DMBT1: variants seen among roughly 807,000 people sequenced by gnomAD.
DMBT1 encodes the protein deleted in malignant brain tumors 1.
A neutral mutation model predicts 252.9 loss-of-function variants in DMBT1; 198 were observed. That is an observed-to-expected ratio of 0.78 (90% CI 0.70 to 0.88). The LOEUF is 0.88. Ranked by LOEUF, DMBT1 falls within the 40% of genes least tolerant of loss-of-function variation. The probability of loss-of-function intolerance (pLI) is 0.00; values close to 1 mark genes in which losing one functional copy is unlikely to be tolerated. For synonymous variants in DMBT1, 990 were observed against 942.7 expected, an observed-to-expected ratio of 1.05 and a Z score of -0.92; for missense variants, 2,432 against 2,404.7, an observed-to-expected ratio of 1.01 and a Z score of -0.24.
rs776942534 is a variant in DMBT1, at chr10:122,598,912, G to T, written c.3095G>T (p.Arg1032Met). 1 of 1,613,854 alleles carries T rather than the reference G, an allele frequency of 6.2e-7. No individual in the cohort carries two copies. Among genetic ancestry groups the T allele is most frequent in the Non-Finnish European group, 8.5e-7 (1 of 1,179,764 alleles). ...ACCAATGATGCCAATGTCGTCTGCA[G>T]GCAACTGGGCTGTGGCTGGGCCATG... ...WDTNDANVVC[R>M]QLGCGWAMSA... The change falls in exon 26 of 56, where the codon AGG becomes ATG. Residue 1032 changes from arginine (R) to methionine (M), a missense_variant. This residue lies in a region of DMBT1 where 1,264 missense variants were observed against 1,082.2 expected (regional missense o/e 1.17). Transcript: ENST00000338354.
chr10:122,586,937 G>T (rs2097795208), intron 16 of DMBT1, among the ~76,000 whole-genome samples: 1 of 148,290 alleles, frequency 6.7e-6, no homozygotes, highest in East Asian at 2.1e-4. Flanking sequence ...GCAAGAAAGA[G>T]CAAGAGGGAG....
chr10:122,578,403 C>G (rs2097732144), intron 8 of DMBT1, among the ~76,000 whole-genome samples: 1 of 152,190 alleles, frequency 6.6e-6, no homozygotes, highest in African/African-American at 2.4e-5. Context: ...CTGCAAGTGT[C>G]AAGTCTTGGC....
chr10:122,643,464 C>T lies in DMBT1; in HGVS notation c.*66C>T, dbSNP rs561239902. On this transcript the variant is annotated 3_prime_UTR_variant, in exon 56 of 56. Transcript: ENST00000338354. ...CCCTGACTCGGGGACTTGGGATGTT[C>T]CTCTTGGTGTCATATTCCAACTCAG... 1.3e-6 allele frequency: 2 copies of T among 1,527,602 alleles called. No homozygotes were observed. The highest frequency in any genetic ancestry group is 2.2e-4 in the Middle Eastern group (1 of 4,476). The allele number at this position is 1,527,602 out of a possible 1,614,324, so 94.6% of individuals were successfully genotyped here.
intron 25 of DMBT1, among the ~76,000 whole-genome samples, chr10:122,598,227 T>C (rs1319800842): frequency 3.9e-5 from 6 of 152,086 alleles, no homozygotes. Context: ...GGAATCCTGT[T>C]CCAAGTGGTC....
chr10:122,561,834 C>A (rs2097549389), intron 1 of DMBT1, among the ~76,000 whole-genome samples: 2 of 151,624 alleles, frequency 1.3e-5, no homozygotes, highest in South Asian at 4.2e-4. Context: ...CTCCCTCCCT[C>A]CTCCTCCTTC....
At chr10:122,580,331 G>A (rs575420004) in intron 10 of DMBT1, among the ~76,000 whole-genome samples, 1 of 152,336 alleles carries the variant, frequency 6.6e-6, no homozygotes, top group African/African-American at 2.4e-5. Context: ...AGGAGGTCTG[G>A]AAATAGAGGC....
chr10:122,618,030 T>C lies in DMBT1; in HGVS notation c.4905T>C (p.Thr1635=). 1 of 1,613,062 alleles carries C rather than the reference T, an allele frequency of 6.2e-7. No homozygotes were observed. The highest frequency in any genetic ancestry group is 8.5e-7 in the Non-Finnish European group (1 of 1,179,764). Residue 1635 remains threonine (T), a synonymous_variant, in exon 41 of 56, where the codon ACT becomes ACC. Transcript: ENST00000338354. ...GTTCCCCTGTAGGATCTGAATCCAC[T>C]TTGGCCCTGAGACTGGTGAATGGAG... ...SRASTAGSES[T]LALRLVNGGD...
chr10:122,599,267 C>T lies in DMBT1; in HGVS notation c.3280+170C>T, dbSNP rs530774943. Reference sequence around the variant, plus strand: ...CCTATGTACTCACTGCCTAGTGTTCCTGTGGTCACTTAGGACAGGGGACCA... The same window carrying T: ...CCTATGTACTCACTGCCTAGTGTTCTTGTGGTCACTTAGGACAGGGGACCA... On this transcript the variant is annotated intron_variant, in intron 26 of 55. Coordinates refer to ENST00000338354, the MANE Select transcript of DMBT1 (RefSeq NM_001377530.1). 7.9e-4 allele frequency among the ~76,000 whole-genome samples: 120 copies of T among 152,312 alleles called. 1 individual carries two copies. The South Asian group carries it at 0.024, about 30-fold the overall frequency.
Position 122,617,936 on chromosome 10 carries a change from A to G in DMBT1, c.4892-81A>G. On this transcript the variant is annotated intron_variant, in intron 40 of 55. Transcript: ENST00000338354. ...TGCCCAGGTGACTCTGGCCATTAGG[A>G]AGTACCCTGAGTGTGGAACTTGCCT... 4 of 1,587,314 alleles carry G rather than the reference A, an allele frequency of 2.5e-6. 1 individual carries two copies. Among genetic ancestry groups the G allele is most frequent in the East Asian group, 4.6e-5 (2 of 43,886 alleles).
At position 122,579,777 on chromosome 10, in the gene DMBT1, A is replaced by G; in HGVS notation, c.879A>G (p.Ser293=). ...GAAATGCCCAGTTTGGCCAGGGCTC[A>G]GGACCCATTGTCCTGGATGATGTGC... The part of the protein sequence containing the change: ...APGNAQFGQG[S]GPIVLDDVRC... Residue 293 remains serine (S), a synonymous_variant, in exon 10 of 56, where the codon TCA becomes TCG. Coordinates refer to ENST00000338354, the MANE Select transcript of DMBT1 (RefSeq NM_001377530.1). 4 of 1,613,832 alleles carry G rather than the reference A, an allele frequency of 2.5e-6. No homozygotes were observed. Among genetic ancestry groups the G allele is most frequent in the Non-Finnish European group, 3.4e-6 (4 of 1,179,750 alleles).
intron 1 of DMBT1, among the ~76,000 whole-genome samples, chr10:122,562,303 C>A (rs1433056447): frequency 6.6e-6 from 1 of 152,154 alleles, no homozygotes; most frequent in Non-Finnish European, 1.5e-5. Flanking sequence ...GTCACTCTCC[C>A]CCTAGGCTCA....
rs570665632 is a variant in DMBT1, at chr10:122,618,042, A to G, written c.4917A>G (p.Arg1639=). The change falls in exon 41 of 56, where the codon AGA becomes AGG. Residue 1639 remains arginine (R), a synonymous_variant. Coordinates refer to ENST00000338354, the MANE Select transcript of DMBT1 (RefSeq NM_001377530.1). ...GATCTGAATCCACTTTGGCCCTGAG[A>G]CTGGTGAATGGAGGTGACAGGTGTC... The part of the protein sequence containing the change: ...TAGSESTLAL[R]LVNGGDRCRG... 13 of 1,613,126 alleles carry G rather than the reference A, an allele frequency of 8.1e-6. No individual in the cohort carries two copies. The highest frequency in any genetic ancestry group is 8.0e-5 in the African/African-American group (6 of 74,936).
At chr10:122,627,920 C>G (rs1004785242) in intron 46 of DMBT1, among the ~76,000 whole-genome samples, 3 of 152,182 alleles carry the variant, frequency 2.0e-5, no homozygotes, top group Non-Finnish European at 2.9e-5. Context: ...TCACAGATAG[C>G]AGAGAAGGCA....
chr10:122,585,943 A>AGGTG, intron 15 of DMBT1, 117 bp from the exon 16 acceptor site: 2 of 1,527,940 alleles, frequency 1.3e-6, no homozygotes, highest in Non-Finnish European at 1.8e-6. Context: ...TCATATTCAA[A>AGGTG]GGTGACTGCC....
At chr10:122,573,655 G>C in intron 5 of DMBT1, 60 bp from the exon 6 acceptor site, 1 of 1,599,434 alleles carries the variant, frequency 6.3e-7, no homozygotes, top group Admixed American at 1.7e-5. Flanking sequence ...GCAAGCCCTG[G>C]ACCAACCCTC....
chr10:122,625,909 A>G (rs2098115576), intron 45 of DMBT1, 24 bp from the exon 46 acceptor site: 1 of 1,601,458 alleles, frequency 6.2e-7, no homozygotes, highest in Non-Finnish European at 8.6e-7. Flanking sequence ...CTAAAATCCT[A>G]AACAGCTTCA....
Position 122,572,367 on chromosome 10 carries a change from G to C in DMBT1, c.235+6G>C. On this transcript the variant is annotated splice_donor_region_variant and intron_variant, in intron 5 of 55. Transcript: ENST00000338354. The stretch of plus-strand genomic sequence containing the variant: ...GGAGTCAACCGTAGCAGAAGGTAAC[G>C]TCTACTATGGGGGAGCTCTATGGGC... 6.2e-7 allele frequency: 1 copy of C among 1,612,782 alleles called. No homozygotes were observed. Among genetic ancestry groups the C allele is most frequent in the Non-Finnish European group, 8.5e-7 (1 of 1,179,014 alleles).
intron 25 of DMBT1, 40 bp from the exon 26 acceptor site, chr10:122,598,734 A>C: frequency 1.2e-6 from 2 of 1,612,186 alleles, no homozygotes; most frequent in Middle Eastern, 4.2e-4. Flanking sequence ...TCCTGACCTC[A>C]TGATAGGGAT....
At position 122,562,043 on chromosome 10, in the gene DMBT1, T is replaced by C. The variant is rs80235433; in HGVS notation, c.61+1212T>C. 0.011 allele frequency among the ~76,000 whole-genome samples: 1,722 copies of C among 151,510 alleles called. 94 individuals are homozygous for C. The East Asian group carries it at 0.18, about 16-fold the overall frequency. ...TCTTTTTCTCTCTCACTCTTTCTCA[T>C]CATCTATTGGGCAGCTCTTATCACT... On this transcript the variant is annotated intron_variant, in intron 1 of 55. Coordinates refer to ENST00000338354, the MANE Select transcript of DMBT1 (RefSeq NM_001377530.1).
Sources: allele counts gnomAD v4.1 joint callset (sites outside exome capture counted in the v4.1 genomes callset), GRCh38; gene constraint gnomAD v4.1.1; regional missense constraint gnomAD v4.1.1; transcripts MANE v1.5; gene names NCBI Gene and HGNC (gene_info 2026-07-23, HGNC 2026-07-21).